Variants in CECR2 observed in about 807,000 individuals in gnomAD.
CECR2 encodes the protein CECR2 histone acetyl-lysine reader.
Under a neutral mutation model 154.5 loss-of-function variants are expected in CECR2, and 30 were observed. That is an observed-to-expected ratio of 0.19 (90% CI 0.15 to 0.26). The LOEUF is 0.26. CECR2 is among the 10% of genes least tolerant of loss of function. The pLI is 1.00. For missense variants in CECR2, 1,743 were observed against 1,829.3 expected (o/e 0.95, Z 0.86); for synonymous variants, 725 against 683.7 (o/e 1.06, Z -0.94).
intron 8 of CECR2, among the ~76,000 whole-genome samples, chr22:17,513,084 G>A (rs1410401574): frequency 5.3e-5 from 8 of 152,070 alleles, no homozygotes; most frequent in African/African-American, 1.9e-4. Flanking sequence ...CTGTGTTTCG[G>A]CATTTTCATT....
rs148268797 is a variant in CECR2 at position 17,393,950 on chromosome 22, C to T, written c.126+24041C>T. Among the ~76,000 whole-genome samples, 1,777 of 147,822 alleles carry T rather than the reference C, an allele frequency of 0.012. 54 individuals are homozygous for T. In the East Asian group the frequency reaches 0.12, roughly 10 times the overall value. ...TTGCCCAGGCTGGAGTGCAATGGCG[C>T]GATCTCAGCTCACTGCAACCTCTGC... is the stretch of plus-strand genomic sequence containing the variant. On this transcript the variant is annotated intron_variant, in intron 1 of 18. Coordinates refer to ENST00000262608, the MANE Select transcript of CECR2 (RefSeq NM_001290047.2).
intron 8 of CECR2, among the ~76,000 whole-genome samples, chr22:17,523,734 C>T (rs902169728): frequency 2.3e-5 from 3 of 130,958 alleles, no homozygotes; most frequent in East Asian, 2.3e-4. Flanking sequence ...CCAGCCTAGG[C>T]GACAGAGCGA....
chr22:17,466,468 T>C (rs1569100484), intron 1 of CECR2, among the ~76,000 whole-genome samples: 1 of 152,240 alleles, frequency 6.6e-6, no homozygotes, highest in Non-Finnish European at 1.5e-5. Context: ...CAGCCCATAG[T>C]TTAGTTATCT....
chr22:17,423,854 C>CT lies in CECR2; in HGVS notation c.127-53732dup, dbSNP rs2054293330. Among the ~76,000 whole-genome samples, 3 of 152,178 alleles carry CT rather than the reference C, an allele frequency of 2.0e-5. No individual in the cohort carries two copies. In the South Asian group the frequency reaches 6.2e-4, roughly 32 times the overall value. On this transcript the variant is annotated intron_variant, in intron 1 of 18. Coordinates refer to ENST00000262608, the MANE Select transcript of CECR2 (RefSeq NM_001290047.2). The stretch of plus-strand genomic sequence containing the variant: ...AGGAATCTGAGAAGACTTGTTTCGT[C>CT]TTCAGTGTGTTTACCTTTTTACTTG...
intron 1 of CECR2, among the ~76,000 whole-genome samples, chr22:17,374,041 CAG>C (rs745398124): frequency 3.1e-4 from 47 of 152,172 alleles, no homozygotes; most frequent in Non-Finnish European, 5.6e-4. Flanking sequence ...TAAGGGAGGA[CAG>C]AATGATTTTC....
chr22:17,431,715 G>A (rs1306873180), intron 1 of CECR2, among the ~76,000 whole-genome samples: 3 of 151,974 alleles, frequency 2.0e-5, no homozygotes, highest in African/African-American at 4.8e-5. Context: ...GACTAAAGTG[G>A]TAATTCTTAT....
chr22:17,541,553 A>G (rs2056522417), intron 14 of CECR2, among the ~76,000 whole-genome samples: 1 of 152,242 alleles, frequency 6.6e-6, no homozygotes. Context: ...GTAGCAGGCA[A>G]CTGGGGAGAA....
At chr22:17,496,315 G>GT (rs1229189693) in intron 2 of CECR2, among the ~76,000 whole-genome samples, 1 of 152,084 alleles carries the variant, frequency 6.6e-6, no homozygotes, top group Non-Finnish European at 1.5e-5. Context: ...GGTTAACACA[G>GT]TGAAACCCGG....
chr22:17,499,814 T>G (rs1047957787), intron 4 of CECR2, among the ~76,000 whole-genome samples: 3 of 152,156 alleles, frequency 2.0e-5, no homozygotes, highest in African/African-American at 7.2e-5. Flanking sequence ...ACAGGCTATT[T>G]TAATATAGCA....
At chr22:17,531,608 T>G (rs2056356321) in intron 9 of CECR2, among the ~76,000 whole-genome samples, 1 of 152,194 alleles carries the variant, frequency 6.6e-6, no homozygotes, top group Non-Finnish European at 1.5e-5. Context: ...CACTGTAAGT[T>G]CTAGAAGGAA....
At chr22:17,472,515 G>A (rs549653619) in intron 1 of CECR2, among the ~76,000 whole-genome samples, 2 of 152,218 alleles carry the variant, frequency 1.3e-5, no homozygotes, top group South Asian at 2.1e-4. Context: ...GTTGGTCCCC[G>A]TGCAAATTAG....
intron 5 of CECR2, 59 bp from the exon 6 acceptor site, chr22:17,503,023 A>G (rs762189254): frequency 2.1e-5 from 31 of 1,511,012 alleles, no homozygotes; most frequent in Non-Finnish European, 2.8e-5. Context: ...CTGGGGTGGC[A>G]CAGAACAATT....
At chr22:17,509,968 TTTAC>T (rs1294163451) in intron 7 of CECR2, among the ~76,000 whole-genome samples, 17 of 152,192 alleles carry the variant, frequency 1.1e-4, no homozygotes, top group Admixed American at 9.2e-4. Context: ...CATATAAAAG[TTTAC>T]TTAAACCTTT....
chr22:17,419,543 G>A lies in CECR2; in HGVS notation c.126+49634G>A, dbSNP rs566168938. 1.6e-3 allele frequency: 324 copies of A among 202,638 alleles called. 1 individual carries two copies. The African/African-American group carries it at 0.017, about 11-fold the overall frequency. The allele number at this position is 202,638 out of a possible 1,614,324, so 12.6% of individuals were successfully genotyped here. ...AAGAAGAAGAAGAGGAAGAGGAAGA[G>A]GAAGAGGAGGAGGAGGAGGAGGAAG... On this transcript the variant is annotated intron_variant, in intron 1 of 18. Transcript: ENST00000262608.
intron 2 of CECR2, among the ~76,000 whole-genome samples, chr22:17,480,038 G>A (rs2055279766): frequency 6.6e-6 from 1 of 152,046 alleles, no homozygotes; most frequent in South Asian, 2.1e-4. Flanking sequence ...GGGATTACAG[G>A]TGTGAGCCAC....
chr22:17,542,548 C>T lies in CECR2; in HGVS notation c.2405C>T (p.Pro802Leu). Residue 802 changes from proline to leucine, a missense_variant, in exon 16 of 19, where the codon CCT (proline) becomes CTT (leucine). Pro to Leu is a moderately conservative substitution (Grantham distance 98). Around this residue, in one of 4 missense-constraint regions of CECR2, gnomAD observed 1,250 missense variants for 1,192.1 expected, o/e 1.05. Coordinates refer to ENST00000262608, the MANE Select transcript of CECR2 (RefSeq NM_001290047.2). The stretch of plus-strand genomic sequence containing the variant: ...CTGGGGCCAGGACCCTCTCACCAGC[C>T]TCGCACTCTCGGTCACGTGATGGAT... ...PHLGPGPSHQPRTLGHVMDSR... is the reference protein window; with the variant it reads ...PHLGPGPSHQLRTLGHVMDSR... 2 of 1,614,032 alleles carry T rather than the reference C, an allele frequency of 1.2e-6. No homozygotes were observed. The highest frequency in any genetic ancestry group is 1.7e-6 in the Non-Finnish European group (2 of 1,179,890).
chr22:17,487,870 GTATTTATTTATT>G (rs112338023), intron 2 of CECR2, among the ~76,000 whole-genome samples: 37 of 150,790 alleles, frequency 2.5e-4, no homozygotes, highest in African/African-American at 7.8e-4. Context: ...AATTTTTCAT[GTATTTATTTATT>G]TATTTATTTA....
At chr22:17,477,059 G>A in intron 1 of CECR2, 1 of 712,150 alleles carries the variant, frequency 1.4e-6, no homozygotes, top group Non-Finnish European at 2.6e-6. Flanking sequence ...ATGTAGGTGT[G>A]GCATCCCAAA....
chr22:17,367,540 C>A (rs191107044), upstream of CECR2, among the ~76,000 whole-genome samples: 38 of 152,134 alleles, frequency 2.5e-4, no homozygotes, highest in East Asian at 7.3e-3. Flanking sequence ...CGCCTGCCAC[C>A]ACACCCATCT....
Sources: allele counts gnomAD v4.1 joint callset (sites outside exome capture counted in the v4.1 genomes callset), GRCh38; gene constraint gnomAD v4.1.1; regional missense constraint gnomAD v4.1.1; transcripts MANE v1.5; gene names NCBI Gene and HGNC (gene_info 2026-07-23, HGNC 2026-07-21).